STIM1: variants seen among roughly 807,000 people sequenced by gnomAD.
STIM1 encodes the protein stromal interaction molecule 1.
In STIM1, 25 loss-of-function variants were observed where a neutral mutation model predicts 74.7. The observed-to-expected ratio is 0.33, with a 90% confidence interval of 0.24 to 0.47. STIM1 has a LOEUF of 0.47. STIM1 is among the 20% of genes least tolerant of loss of function. The pLI is 1.00. For synonymous variants in STIM1, 328 were observed against 348.8 expected (o/e 0.94, Z 0.66); for missense variants, 728 against 920.8 (o/e 0.79, Z 2.71).
intron 2 of STIM1, among the ~76,000 whole-genome samples, chr11:4,000,224 A>G (rs4910870): frequency 0.68 from 55,387 of 81,006 alleles, 20,960 homozygotes; most frequent in East Asian, 0.86. Flanking sequence ...ACAGCTTTGA[A>G]GAGAGCAGTG....
chr11:3,890,177 C>T (rs888917003), intron 1 of STIM1, among the ~76,000 whole-genome samples: 1 of 152,186 alleles, frequency 6.6e-6, no homozygotes, highest in Non-Finnish European at 1.5e-5. Context: ...CACGCTTACC[C>T]TCTCTGGACC....
At chr11:4,057,403 G>T (rs2094298167) in intron 4 of STIM1, among the ~76,000 whole-genome samples, 1 of 152,204 alleles carries the variant, frequency 6.6e-6, no homozygotes, top group African/African-American at 2.4e-5. Flanking sequence ...ACAGCAGGAA[G>T]CATGGGGCCT....
At chr11:3,856,789 GA>G (rs914629216) in intron 1 of STIM1, among the ~76,000 whole-genome samples, 30 of 152,310 alleles carry the variant, frequency 2.0e-4, no homozygotes, top group Non-Finnish European at 4.0e-4. Context: ...CAGCATGGGG[GA>G]GGTTGGGGCC....
chr11:3,940,167 C>T (rs576447014), intron 1 of STIM1, among the ~76,000 whole-genome samples: 15 of 152,104 alleles, frequency 9.9e-5, no homozygotes, highest in Admixed American at 2.6e-4. Context: ...ACAACAGTTC[C>T]GTCTTCTAGT....
chr11:3,943,602 T>TA (rs112689732), intron 1 of STIM1, among the ~76,000 whole-genome samples: 14 of 152,080 alleles, frequency 9.2e-5, no homozygotes, highest in South Asian at 2.1e-4. Context: ...AGTTCACAGT[T>TA]AAAAAAAACA....
intron 1 of STIM1, among the ~76,000 whole-genome samples, chr11:3,893,717 C>T (rs1392735257): frequency 2.7e-5 from 4 of 150,914 alleles, no homozygotes; most frequent in African/African-American, 9.7e-5. Flanking sequence ...AGTGCAGTGG[C>T]GCAATCGCAG....
Position 3,974,065 on chromosome 11 carries a change from C to T in STIM1, c.270+6383C>T, listed in dbSNP as rs953387626. ...CCTCCACAGTGGCATATGTGACAAA[C>T]CCAAAGCCCCTGGAGCACTTGGTAT... On this transcript the variant is annotated intron_variant, in intron 2 of 12. Coordinates refer to ENST00000526596, the MANE Select transcript of STIM1 (RefSeq NM_001382567.1). 9.9e-6 allele frequency: 7 copies of T among 703,860 alleles called. No individual in the cohort carries two copies. In the African/African-American group the frequency reaches 1.0e-4, roughly 11 times the overall value. 43.6% of individuals were successfully genotyped at this position (703,860 alleles called of 1,614,324 possible). A position where few individuals can be genotyped will look rare whatever the true frequency, so the allele number is the denominator to read the frequency against.
chr11:4,085,107 T>C (rs1280797078), intron 11 of STIM1, among the ~76,000 whole-genome samples: 1 of 151,934 alleles, frequency 6.6e-6, no homozygotes, highest in Non-Finnish European at 1.5e-5. Flanking sequence ...GTTTCTCCCT[T>C]TTCTTCCCAG....
chr11:3,927,940 C>G (rs1306960703), intron 1 of STIM1, among the ~76,000 whole-genome samples: 1 of 152,168 alleles, frequency 6.6e-6, no homozygotes, highest in East Asian at 1.9e-4. Context: ...ATTTGTCTTG[C>G]AATACAGATA....
intron 1 of STIM1, among the ~76,000 whole-genome samples, chr11:3,917,922 C>A (rs1179382577): frequency 6.6e-6 from 1 of 152,170 alleles, no homozygotes; most frequent in African/African-American, 2.4e-5. Flanking sequence ...AGTTGATTTT[C>A]AATTTTTTAT....
At chr11:4,077,836 TG>T (rs1565169155) in intron 7 of STIM1, among the ~76,000 whole-genome samples, 1 of 152,200 alleles carries the variant, frequency 6.6e-6, no homozygotes, top group African/African-American at 2.4e-5. Flanking sequence ...TCTCAGACAA[TG>T]TATTTTTCAA....
rs1278607928 is a variant in STIM1, at chr11:3,904,232, G to A, written c.139+47823G>A. Among the ~76,000 whole-genome samples, 3 of 140,516 alleles carry A rather than the reference G, an allele frequency of 2.1e-5. No homozygotes were observed. In the East Asian group the frequency reaches 6.1e-4, roughly 29 times the overall value. The allele number at this position is 140,516 out of a possible 152,430, so 92.2% of individuals were successfully genotyped here. A position where few individuals can be genotyped will look rare whatever the true frequency, so the allele number is the denominator to read the frequency against. On this transcript the variant is annotated intron_variant, in intron 1 of 12. Coordinates refer to ENST00000526596, the MANE Select transcript of STIM1 (RefSeq NM_001382567.1). ...AAAAAAAAAAAAAGAAAATATACTG[G>A]GAGAGAAAGGAAGGAGGGTCTAAAT... is the stretch of plus-strand genomic sequence containing the variant.
intron 2 of STIM1, among the ~76,000 whole-genome samples, chr11:3,991,163 TC>T (rs1167947293): frequency 6.1e-5 from 9 of 147,266 alleles, no homozygotes; most frequent in Non-Finnish European, 1.0e-4. Flanking sequence ...ACATTTTCTT[TC>T]CTTTCTTTTT....
intron 2 of STIM1, among the ~76,000 whole-genome samples, chr11:3,984,321 G>A (rs1185744668): frequency 6.6e-6 from 1 of 152,146 alleles, no homozygotes; most frequent in Non-Finnish European, 1.5e-5. Context: ...GTATCCTGGT[G>A]CAGTCATCAT....
intron 1 of STIM1, among the ~76,000 whole-genome samples, chr11:3,874,629 G>T (rs1255527559): frequency 6.6e-6 from 1 of 152,100 alleles, no homozygotes; most frequent in Non-Finnish European, 1.5e-5. Context: ...AGTCTTCTTC[G>T]GTTCCTTTAG....
chr11:4,068,018 C>G (rs1273433977), intron 5 of STIM1, among the ~76,000 whole-genome samples: 1 of 152,078 alleles, frequency 6.6e-6, no homozygotes, highest in Non-Finnish European at 1.5e-5. Context: ...CGGACTTTAT[C>G]TATACATTTG....
At chr11:4,043,420 C>G (rs1004664365) in intron 3 of STIM1, among the ~76,000 whole-genome samples, 2 of 152,114 alleles carry the variant, frequency 1.3e-5, no homozygotes, top group African/African-American at 2.4e-5. Context: ...ATACCTCCCC[C>G]CTTTACCTCC....
chr11:3,922,404 A>G (rs916421532), intron 1 of STIM1, among the ~76,000 whole-genome samples: 3 of 152,026 alleles, frequency 2.0e-5, no homozygotes, highest in Non-Finnish European at 4.4e-5. Flanking sequence ...CTTTTTGCCC[A>G]GTTTTCCATT....
intron 2 of STIM1, among the ~76,000 whole-genome samples, chr11:3,985,620 C>G (rs183216258): frequency 1.2e-4 from 18 of 152,338 alleles, no homozygotes; most frequent in Admixed American, 8.5e-4. Flanking sequence ...TAGGCAGAAT[C>G]TGGGCCCCAC....
Sources: allele counts gnomAD v4.1 joint callset (sites outside exome capture counted in the v4.1 genomes callset), GRCh38; gene constraint gnomAD v4.1.1; transcripts MANE v1.5; gene names NCBI Gene and HGNC (gene_info 2026-07-23, HGNC 2026-07-21).